Variants in DCAF8L2 observed in about 807,000 individuals in gnomAD.
The protein encoded by DCAF8L2 is DDB1- and CUL4-associated factor 8-like protein 2.
For synonymous variants in DCAF8L2, 200 were observed against 190.9 expected, an observed-to-expected ratio of 1.05 and a Z score of -0.39; for missense variants, 430 against 490.7, an observed-to-expected ratio of 0.88 and a Z score of 1.17.
chrX:27,732,862 A>T (rs5971214), intron 4 of DCAF8L2, among the ~76,000 whole-genome samples: 1 of 110,460 alleles, frequency 9.1e-6, no homozygotes, highest in Non-Finnish European at 1.9e-5. Context: ...CCCTTTTTTT[A>T]AAAAAAATTT....
intron 2 of DCAF8L2, among the ~76,000 whole-genome samples, chrX:27,636,802 T>G (rs750811731): frequency 1.9e-4 from 21 of 112,137 alleles, no homozygotes; most frequent in Non-Finnish European, 3.8e-4. Context: ...TTTACAAATG[T>G]ATCTGCTGCC....
intron 2 of DCAF8L2, among the ~76,000 whole-genome samples, chrX:27,635,012 A>G (rs1381526918): frequency 9.1e-6 from 1 of 109,837 alleles, no homozygotes; most frequent in Non-Finnish European, 1.9e-5. Flanking sequence ...AGAAAGAGAG[A>G]GAGAGCTCTT....
At chrX:27,524,381 T>A in the DCAF8L2 span, among the ~76,000 whole-genome samples, 1 of 112,227 alleles carries the variant, frequency 8.9e-6, no homozygotes. Context: ...TGATATCCCC[T>A]TTATCATTTT....
intron 4 of DCAF8L2, among the ~76,000 whole-genome samples, chrX:27,741,736 T>C (rs1449928797): frequency 2.7e-5 from 3 of 111,465 alleles, no homozygotes; most frequent in Non-Finnish European, 5.6e-5. Context: ...AAATTGTCAC[T>C]GTAAAACTAG....
intron 4 of DCAF8L2, among the ~76,000 whole-genome samples, chrX:27,732,869 AT>A (rs1211452942): frequency 9.1e-6 from 1 of 110,141 alleles, no homozygotes; most frequent in Non-Finnish European, 1.9e-5. Context: ...TTTAAAAAAA[AT>A]TTTTTTGAGA....
At chrX:27,604,219 C>T (rs1387668499) in intron 1 of DCAF8L2, among the ~76,000 whole-genome samples, 1 of 111,179 alleles carries the variant, frequency 9.0e-6, no homozygotes, top group Admixed American at 9.7e-5. Flanking sequence ...CCTGATCTTT[C>T]TTAAGGTAGC....
the DCAF8L2 span, among the ~76,000 whole-genome samples, chrX:27,483,377 T>C: frequency 8.9e-6 from 1 of 111,949 alleles, no homozygotes; most frequent in Non-Finnish European, 1.9e-5. Context: ...ATAAAAGTAG[T>C]TTACATTTTT....
intron 1 of DCAF8L2, among the ~76,000 whole-genome samples, chrX:27,613,867 A>G (rs1376525217): frequency 9.0e-6 from 1 of 111,492 alleles, no homozygotes; most frequent in Non-Finnish European, 1.9e-5. Context: ...TATTTTATTG[A>G]GGATGTTTGC....
intron 2 of DCAF8L2, among the ~76,000 whole-genome samples, chrX:27,666,231 G>T (rs1172578729): frequency 8.9e-6 from 1 of 111,909 alleles, no homozygotes; most frequent in Non-Finnish European, 1.9e-5. Flanking sequence ...TTCTTAAATT[G>T]TGTGCAACCT....
chrX:27,566,312 C>T, the DCAF8L2 span, among the ~76,000 whole-genome samples: 2 of 111,447 alleles, frequency 1.8e-5, no homozygotes, highest in African/African-American at 3.3e-5. Flanking sequence ...AGAATTCTAC[C>T]AAGGACCTTG....
the DCAF8L2 span, among the ~76,000 whole-genome samples, chrX:27,511,880 A>G: frequency 8.9e-6 from 1 of 112,186 alleles, no homozygotes; most frequent in African/African-American, 3.2e-5. Context: ...ACTATCTGAG[A>G]AAGAAATCAG....
intron 4 of DCAF8L2, among the ~76,000 whole-genome samples, chrX:27,724,362 T>C (rs747056878): frequency 1.8e-4 from 20 of 111,064 alleles, no homozygotes; most frequent in African/African-American, 5.8e-4. Context: ...TTCTCAACTA[T>C]AAGACAAAAA....
At chrX:27,657,617 G>A (rs1929401837) in intron 2 of DCAF8L2, among the ~76,000 whole-genome samples, 1 of 111,831 alleles carries the variant, frequency 8.9e-6, no homozygotes, top group African/African-American at 3.2e-5. Context: ...TAAGGATAGA[G>A]CATAACAAAA....
chrX:27,499,008 T>A, the DCAF8L2 span, among the ~76,000 whole-genome samples: 1 of 112,569 alleles, frequency 8.9e-6, no homozygotes, highest in Non-Finnish European at 1.9e-5. Context: ...ATCTTGGTTA[T>A]TGTGAATAAT....
At chrX:27,564,711 T>C in the DCAF8L2 span, among the ~76,000 whole-genome samples, 1 of 84,897 alleles carries the variant, frequency 1.2e-5, no homozygotes, top group African/African-American at 4.0e-5. Flanking sequence ...ACCCTGTAAG[T>C]CTGGAACAAA....
At chrX:27,691,351 C>A (rs1319546159) in intron 3 of DCAF8L2, among the ~76,000 whole-genome samples, 1 of 111,132 alleles carries the variant, frequency 9.0e-6, no homozygotes, top group African/African-American at 3.3e-5. Flanking sequence ...ACTTATATGG[C>A]AAATTTAAAT....
chrX:27,558,829 C>T, the DCAF8L2 span, among the ~76,000 whole-genome samples: 2 of 103,148 alleles, frequency 1.9e-5, no homozygotes, highest in Non-Finnish European at 3.9e-5. Context: ...TGAGCTGCTG[C>T]TTCAGCTGTG....
chrX:27,596,428 C>T (rs1926362776), intron 1 of DCAF8L2, among the ~76,000 whole-genome samples: 1 of 111,714 alleles, frequency 9.0e-6, no homozygotes, highest in South Asian at 3.8e-4. Flanking sequence ...AAACCTAGAT[C>T]TGACAGGCTT....
At chrX:27,711,961 T>C (rs1046219761) in intron 3 of DCAF8L2, among the ~76,000 whole-genome samples, 1 of 111,497 alleles carries the variant, frequency 9.0e-6, no homozygotes, top group Non-Finnish European at 1.9e-5. Context: ...TCTGTTCATC[T>C]AGGTTTTAGA....
Sources: allele counts gnomAD v4.1 joint callset (sites outside exome capture counted in the v4.1 genomes callset), GRCh38; gene constraint gnomAD v4.1.1; transcripts MANE v1.5; gene names NCBI Gene and HGNC (gene_info 2026-07-23, HGNC 2026-07-21).